Variants in NPR3 observed in about 807,000 individuals in gnomAD.
NPR3 encodes atrial natriuretic peptide receptor 3.
NPR3 carries 34 observed loss-of-function variants against 54.5 expected under a neutral mutation model. The ratio of observed to expected loss-of-function variants is 0.62; its 90% confidence interval spans 0.47 to 0.83. The LOEUF is 0.83. Ranked by LOEUF, NPR3 falls within the 40% of genes least tolerant of loss-of-function variation. NPR3 has a pLI of 0.00. For synonymous variants in NPR3, 289 were observed against 297.1 expected (o/e 0.97, Z 0.28); for missense variants, 674 against 720.8 (o/e 0.94, Z 0.74).
chr5:32,718,005 C>A (rs1419292569), intron 1 of NPR3, among the ~76,000 whole-genome samples: 1 of 152,174 alleles, frequency 6.6e-6, no homozygotes, highest in Admixed American at 6.5e-5. Context: ...ACATTTAAGT[C>A]TTTAATCCAT....
chr5:32,710,772 A>G, upstream of NPR3: 1 of 1,546,346 alleles, frequency 6.5e-7, no homozygotes, highest in Non-Finnish European at 8.7e-7. Context: ...GAATGTGGCC[A>G]GAACGAGAAA....
At position 32,712,051 on chromosome 5, in the gene NPR3, T is replaced by C. The variant is rs778132452; in HGVS notation, c.275T>C (p.Leu92Pro). 5 of 1,613,826 alleles carry C rather than the reference T, an allele frequency of 3.1e-6. No individual in the cohort carries two copies. The highest frequency in any genetic ancestry group is 3.4e-6 in the Non-Finnish European group (4 of 1,179,794). The change falls in exon 1 of 8, where the codon CTT becomes CCT. Residue 92 changes from leucine to proline, a missense_variant. By Grantham distance (98) the Leu-to-Pro change is moderately conservative. Transcript: ENST00000265074. ...GAGGGCAACGGGACTGGGAGGCGGC[T>C]TCTGCCGCCGGGCACTCGCTTCCAG... ...SVEGNGTGRR[L>P]LPPGTRFQVA...
chr5:32,760,495 C>A (rs185259337), intron 3 of NPR3, among the ~76,000 whole-genome samples: 20 of 152,174 alleles, frequency 1.3e-4, no homozygotes, highest in African/African-American at 4.8e-4. Context: ...ACTTTTGTGA[C>A]CGGTCTGCTG....
Position 32,712,324 on chromosome 5 carries a change from A to G in NPR3, c.548A>G (p.Lys183Arg). 2 of 1,613,448 alleles carry G rather than the reference A, an allele frequency of 1.2e-6. No homozygotes were observed. The highest frequency in any genetic ancestry group is 1.7e-6 in the Non-Finnish European group (2 of 1,179,698). ...ACGCGCGTGGCGCCCGCCTACGCCA[A>G]GATGGGCGAGATGATGCTCGCCCTG... ...HLTRVAPAYA[K>R]MGEMMLALFR... The change falls in exon 1 of 8, where the codon AAG (lysine) becomes AGG (arginine). Residue 183 changes from lysine (K) to arginine (R), a missense_variant. Coordinates refer to ENST00000265074, the MANE Select transcript of NPR3 (RefSeq NM_001204375.2).
intron 3 of NPR3, among the ~76,000 whole-genome samples, chr5:32,769,648 C>T (rs1741649658): frequency 6.6e-6 from 1 of 152,202 alleles, no homozygotes; most frequent in Admixed American, 6.5e-5. Flanking sequence ...CTACTGTGTG[C>T]TATGCTTGTG....
intron 3 of NPR3, among the ~76,000 whole-genome samples, chr5:32,767,045 G>T (rs984097387): frequency 5.9e-5 from 9 of 152,178 alleles, no homozygotes; most frequent in Admixed American, 1.3e-4. Context: ...CTGATGATGG[G>T]TTGGAGGTCA....
intron 2 of NPR3, among the ~76,000 whole-genome samples, chr5:32,731,956 T>C (rs895819222): frequency 1.3e-5 from 2 of 152,044 alleles, no homozygotes; most frequent in African/African-American, 4.8e-5. Flanking sequence ...TAAAATCCAT[T>C]CTCGGCCGGG....
chr5:32,745,235 G>A (rs937939147), intron 3 of NPR3, among the ~76,000 whole-genome samples: 1 of 152,138 alleles, frequency 6.6e-6, no homozygotes, highest in Non-Finnish European at 1.5e-5. Flanking sequence ...GGGGTTCTGA[G>A]GACCATCTGG....
At chr5:32,779,487 C>A (rs1414435128) in intron 4 of NPR3, among the ~76,000 whole-genome samples, 2 of 152,224 alleles carry the variant, frequency 1.3e-5, no homozygotes, top group African/African-American at 4.8e-5. Flanking sequence ...TCTCTGGCCA[C>A]CCCGTTCCAG....
chr5:32,747,385 G>A (rs1424421297), intron 3 of NPR3, among the ~76,000 whole-genome samples: 1 of 152,014 alleles, frequency 6.6e-6, no homozygotes, highest in Non-Finnish European at 1.5e-5. Flanking sequence ...GTGAAGAAAA[G>A]CTAAAAAAAT....
In NPR3 at chr5:32,789,568, T is replaced by A; in HGVS notation, c.*3223T>A. ...CATGGGAAAAGAACACCTCCTTTTC[T>A]CCTTTCTCTTAAATTCAAAGACGTT... On this transcript the variant is annotated 3_prime_UTR_variant, in exon 8 of 8. Coordinates refer to ENST00000265074, the MANE Select transcript of NPR3 (RefSeq NM_001204375.2). The A allele has an allele frequency of 1.9e-6, 1 of 534,780 alleles. No homozygotes were observed. Among genetic ancestry groups the A allele is most frequent in the Non-Finnish European group, 3.8e-6 (1 of 260,096 alleles). 33.1% of individuals were successfully genotyped at this position (534,780 alleles called of 1,614,324 possible). A position where few individuals can be genotyped will look rare whatever the true frequency, so the allele number is the denominator to read the frequency against.
At chr5:32,713,230 G>T in intron 1 of NPR3, 2 of 985,390 alleles carry the variant, frequency 2.0e-6, no homozygotes, top group Non-Finnish European at 2.4e-6. Flanking sequence ...TTTCTAATGC[G>T]CCCAGAGCTA....
chr5:32,697,480 G>A (rs13357086), intron 1 of NPR3, among the ~76,000 whole-genome samples: 5,682 of 151,232 alleles, frequency 0.038, 371 homozygotes, highest in African/African-American at 0.13. Flanking sequence ...TCTGGTTTTG[G>A]TGTCAGGGTT....
intron 4 of NPR3, among the ~76,000 whole-genome samples, chr5:32,776,214 G>T (rs1742039070): frequency 6.6e-6 from 1 of 152,298 alleles, no homozygotes; most frequent in Non-Finnish European, 1.5e-5. Context: ...TCAAGTTAAA[G>T]AATTTTCCAT....
chr5:32,765,989 T>TG (rs1349814738), intron 3 of NPR3, among the ~76,000 whole-genome samples: 8 of 151,964 alleles, frequency 5.3e-5, no homozygotes, highest in Non-Finnish European at 8.8e-5. Context: ...CAGTAGGGGT[T>TG]GCGGGGGGAA....
intron 3 of NPR3, among the ~76,000 whole-genome samples, chr5:32,767,375 C>G (rs1175153270): frequency 6.6e-6 from 1 of 152,166 alleles, no homozygotes; most frequent in Non-Finnish European, 1.5e-5. Flanking sequence ...AATAACAGTA[C>G]CCATCTATGA....
rs1336379692 is a variant in NPR3, at chr5:32,791,289, G to T, written c.*4944G>T. The T allele has an allele frequency of 6.0e-6, 1 of 167,080 alleles. No individual in the cohort carries two copies. Among genetic ancestry groups the T allele is most frequent in the Non-Finnish European group, 1.5e-5 (1 of 68,138 alleles). The allele number at this position is 167,080 out of a possible 1,614,324, so 10.3% of individuals were successfully genotyped here. On this transcript the variant is annotated 3_prime_UTR_variant, in exon 8 of 8. Coordinates refer to ENST00000265074, the MANE Select transcript of NPR3 (RefSeq NM_001204375.2). ...GCATGGTGGATAATTGAAACCAAGA[G>T]GACATGGGATAGACCTTGTGACAGA...
At chr5:32,697,897 A>G (rs1363075193) in intron 1 of NPR3, among the ~76,000 whole-genome samples, 1 of 151,942 alleles carries the variant, frequency 6.6e-6, no homozygotes, top group East Asian at 1.9e-4. Context: ...TAGTCTTGCT[A>G]AAGGTTTGTC....
chr5:32,762,740 C>G (rs1447483829), intron 3 of NPR3, among the ~76,000 whole-genome samples: 1 of 152,028 alleles, frequency 6.6e-6, no homozygotes, highest in Non-Finnish European at 1.5e-5. Flanking sequence ...AGCCCTTTGT[C>G]AGATGGATAG....
Sources: allele counts gnomAD v4.1 joint callset (sites outside exome capture counted in the v4.1 genomes callset), GRCh38; gene constraint gnomAD v4.1.1; transcripts MANE v1.5; gene names NCBI Gene and HGNC (gene_info 2026-07-23, HGNC 2026-07-21).